Variants in PHAX observed in about 807,000 individuals in gnomAD.
PHAX encodes the protein phosphorylated adapter RNA export protein.
PHAX carries 31 observed loss-of-function variants against 41.6 expected under a neutral mutation model. That is an observed-to-expected ratio of 0.75 (90% CI 0.56 to 1.01). The LOEUF is 1.01. Among genes scored for constraint, PHAX ranks in the 50% least tolerant of loss-of-function variants. The pLI is 0.00. For synonymous variants in PHAX, 175 were observed against 164.9 expected (o/e 1.06, Z -0.47); for missense variants, 453 against 472.9 (o/e 0.96, Z 0.39).
At chr5:126,608,525 C>CTT in intron 3 of PHAX, 41 bp downstream of exon 3, 4 of 875,484 alleles carry the variant, frequency 4.6e-6, no homozygotes, top group Non-Finnish European at 6.3e-6. Context: ...ATTGTTTATC[C>CTT]TGTGTTTTTG....
In PHAX at chr5:126,617,782, C is replaced by T. The variant is rs924435202; in HGVS notation, c.915+449C>T. Among the ~76,000 whole-genome samples the T allele has an allele frequency of 3.9e-5, 6 of 152,040 alleles. No individual in the cohort carries two copies. The East Asian group carries it at 1.2e-3, about 29-fold the overall frequency. ...GGCGTGAGCCAGTGCTCCCAGCCAG[C>T]CTTTTATTCTTTGTAGAGACGGGGT... On this transcript the variant is annotated intron_variant, in intron 4 of 4. Transcript: ENST00000297540.
chr5:126,603,421 AG>A, intron 1 of PHAX, 148 bp from the exon 2 acceptor site: 1 of 828,378 alleles, frequency 1.2e-6, no homozygotes, highest in Non-Finnish European at 1.9e-6. Context: ...TGTGGAACTT[AG>A]AAAAGTAGGA....
At chr5:126,605,685 C>T (rs1371828035) in intron 2 of PHAX, among the ~76,000 whole-genome samples, 2 of 152,114 alleles carry the variant, frequency 1.3e-5, no homozygotes, top group African/African-American at 4.8e-5. Context: ...GCGTGAGCTG[C>T]GCACCCACTG....
In PHAX at chr5:126,603,998, A is replaced by C. The variant is rs754872201; in HGVS notation, c.525A>C (p.Leu175=). ...QEHTKDLDKE[L]DEYMHGGKKM... The stretch of plus-strand genomic sequence containing the variant: ...ATACAAAAGATCTAGACAAGGAACT[A>C]GATGAATATATGCATGGTGGCAAAA... The change falls in exon 2 of 5, where the codon CTA becomes CTC. Residue 175 remains leucine, a synonymous_variant. Transcript: ENST00000297540. 2.5e-6 allele frequency: 4 copies of C among 1,614,140 alleles called. No homozygotes were observed. Among genetic ancestry groups the C allele is most frequent in the Non-Finnish European group, 2.5e-6 (3 of 1,180,012 alleles).
At position 126,624,985 on chromosome 5, in the gene PHAX, T is replaced by TG; in HGVS notation, c.*143dup. The TG allele has an allele frequency of 2.8e-6, 2 of 709,374 alleles. No individual in the cohort carries two copies. Among genetic ancestry groups the TG allele is most frequent in the Non-Finnish European group, 4.6e-6 (2 of 437,608 alleles). 43.9% of individuals were successfully genotyped at this position (709,374 alleles called of 1,614,324 possible). A position where few individuals can be genotyped will look rare whatever the true frequency, so the allele number is the denominator to read the frequency against. On this transcript the variant is annotated 3_prime_UTR_variant, in exon 5 of 5. Coordinates refer to ENST00000297540, the MANE Select transcript of PHAX (RefSeq NM_032177.4). ...ATTGTTTTCTTGTTTAAAATATGTG[T>TG]GGAAAGGAATGCAATTGATAGAACA...
Position 126,609,844 on chromosome 5 carries a change from A to G in PHAX, c.831+1360A>G, listed in dbSNP as rs866970091. ...AACCTCCATCTCCCGAGTTCAAGCA[A>G]TTCCCCTGCCTCAGCCTCCCAAGTA... On this transcript the variant is annotated intron_variant, in intron 3 of 4. Coordinates refer to ENST00000297540, the MANE Select transcript of PHAX (RefSeq NM_032177.4). 7.9e-5 allele frequency among the ~76,000 whole-genome samples: 12 copies of G among 152,108 alleles called. No individual in the cohort carries two copies. The South Asian group carries it at 2.5e-3, about 32-fold the overall frequency.
intron 4 of PHAX, among the ~76,000 whole-genome samples, chr5:126,621,256 G>A (rs930343471): frequency 1.3e-5 from 2 of 151,890 alleles, no homozygotes; most frequent in Admixed American, 6.6e-5. Flanking sequence ...TGGCACTATC[G>A]TAGCTCACTG....
intron 3 of PHAX, among the ~76,000 whole-genome samples, chr5:126,609,648 T>G (rs1159266065): frequency 3.3e-5 from 5 of 151,944 alleles, no homozygotes; most frequent in Non-Finnish European, 7.4e-5. Context: ...CCCAGCACTT[T>G]AGCAATGGTA....
At chr5:126,606,732 A>G (rs1581416721) in intron 2 of PHAX, among the ~76,000 whole-genome samples, 1 of 151,786 alleles carries the variant, frequency 6.6e-6, no homozygotes. Flanking sequence ...GCTCACTGCA[A>G]CCTCCGCCTC....
At position 126,624,659 on chromosome 5, in the gene PHAX, A is replaced by T; in HGVS notation, c.1000A>T (p.Met334Leu). The change falls in exon 5 of 5, where the codon ATG becomes TTG. Residue 334 changes from methionine to leucine, a missense_variant. Physicochemically the swap from Met to Leu is conservative, Grantham distance 15. Coordinates refer to ENST00000297540, the MANE Select transcript of PHAX (RefSeq NM_032177.4). ...KRRTQVLGKK[M>L]KQAIKSLNFQ... ...GAGAACACAAGTGTTGGGGAAAAAG[A>T]TGAAACAAGCTATTAAAAGTCTAAA... 1 of 1,613,996 alleles carries T rather than the reference A, an allele frequency of 6.2e-7. No individual in the cohort carries two copies. Among genetic ancestry groups the T allele is most frequent in the Non-Finnish European group, 8.5e-7 (1 of 1,179,876 alleles).
Position 126,603,723 on chromosome 5 carries a change from C to G in PHAX, c.250C>G (p.Arg84Gly). The G allele has an allele frequency of 6.2e-7, 1 of 1,614,058 alleles. No individual in the cohort carries two copies. The highest frequency in any genetic ancestry group is 8.5e-7 in the Non-Finnish European group (1 of 1,180,022). The change falls in exon 2 of 5, where the codon CGA becomes GGA. Residue 84 changes from arginine (R) to glycine (G), a missense_variant. Transcript: ENST00000297540. ...TGATAGCTGTCTTTGGAAACGCAAA[C>G]GACAGAAATGTTTTAACCCTCCTCC... ...DDDSCLWKRK[R>G]QKCFNPPPKP...
intron 2 of PHAX, among the ~76,000 whole-genome samples, chr5:126,606,411 G>A (rs1751987919): frequency 6.6e-6 from 1 of 152,166 alleles, no homozygotes; most frequent in South Asian, 2.1e-4. Context: ...TGGCCAGGCT[G>A]GTCTCGAACT....
At chr5:126,622,194 C>T (rs1561683492) in intron 4 of PHAX, among the ~76,000 whole-genome samples, 1 of 152,008 alleles carries the variant, frequency 6.6e-6, no homozygotes, top group Admixed American at 6.6e-5. Flanking sequence ...AGTGCAGTGG[C>T]GCGCTCTCGG....
intron 2 of PHAX, among the ~76,000 whole-genome samples, chr5:126,606,892 GAT>G (rs1751998528): frequency 6.6e-6 from 1 of 152,068 alleles, no homozygotes; most frequent in African/African-American, 2.4e-5. Context: ...TCTAACCTCA[GAT>G]GATCCACCCC....
At chr5:126,613,461 C>T (rs1009732618) in intron 3 of PHAX, among the ~76,000 whole-genome samples, 2 of 152,052 alleles carry the variant, frequency 1.3e-5, no homozygotes, top group African/African-American at 2.4e-5. Context: ...GTGGCTCACA[C>T]GTGTGTAATC....
At position 126,625,123 on chromosome 5, in the gene PHAX, G is replaced by T; in HGVS notation, c.*279G>T. ...ACTAGTTGATAATCAGTTTTGTCTA[G>T]GTCATAACATACCATTTGTAAGTTT... On this transcript the variant is annotated 3_prime_UTR_variant, in exon 5 of 5. Coordinates refer to ENST00000297540, the MANE Select transcript of PHAX (RefSeq NM_032177.4). 1 of 318,350 alleles carries T rather than the reference G, an allele frequency of 3.1e-6. No homozygotes were observed. The highest frequency in any genetic ancestry group is 5.7e-6 in the Non-Finnish European group (1 of 175,780). 19.7% of individuals were successfully genotyped at this position (318,350 alleles called of 1,614,324 possible). A position where few individuals can be genotyped will look rare whatever the true frequency, so the allele number is the denominator to read the frequency against.
chr5:126,603,654 G>T lies in PHAX; in HGVS notation c.181G>T (p.Glu61Ter). ...CAPVSHYRAV[E>*]SVDSSEESFS... ...ACCAGTATCACATTATCGAGCTGTTGAAAGTGTGGATTCAAGTGAAGAAAG... is the reference window on the plus strand; with the variant it reads ...ACCAGTATCACATTATCGAGCTGTTTAAAGTGTGGATTCAAGTGAAGAAAG... Residue 61 changes from glutamate (E) to a stop codon, truncating the protein, a stop_gained, in exon 2 of 5, where the codon GAA becomes TAA. Transcript: ENST00000297540. LOFTEE classifies it high-confidence loss of function. The T allele has an allele frequency of 6.2e-7, 1 of 1,614,206 alleles. No homozygotes were observed. Among genetic ancestry groups the T allele is most frequent in the Non-Finnish European group, 8.5e-7 (1 of 1,180,030 alleles).
At chr5:126,605,571 T>G (rs1751976748) in intron 2 of PHAX, among the ~76,000 whole-genome samples, 1 of 149,282 alleles carries the variant, frequency 6.7e-6, no homozygotes, top group East Asian at 2.0e-4. Flanking sequence ...TTTTTTTTTG[T>G]ATTTTTAGTA....
At chr5:126,605,155 G>A (rs1200885339) in intron 2 of PHAX, among the ~76,000 whole-genome samples, 4 of 151,680 alleles carry the variant, frequency 2.6e-5, no homozygotes, top group Non-Finnish European at 5.9e-5. Flanking sequence ...CAACCACTGC[G>A]CTGTCCACAG....
Sources: allele counts gnomAD v4.1 joint callset (sites outside exome capture counted in the v4.1 genomes callset), GRCh38; gene constraint gnomAD v4.1.1; transcripts MANE v1.5; gene names NCBI Gene and HGNC (gene_info 2026-07-23, HGNC 2026-07-21).